KCNB2: variants seen among roughly 807,000 people sequenced by gnomAD.
KCNB2 encodes potassium voltage-gated channel subfamily B member 2.
In KCNB2, 15 loss-of-function variants were observed where a neutral mutation model predicts 61.5. The observed-to-expected ratio is 0.24, with a 90% CI of 0.16 to 0.38. The LOEUF (loss-of-function observed/expected upper bound fraction) is 0.38. Among genes scored for constraint, KCNB2 ranks in the 10% least tolerant of loss-of-function variants. The pLI is 1.00. For missense variants in KCNB2, 828 were observed against 1,125.2 expected (o/e 0.74, Z 3.78); for synonymous variants, 457 against 446.0 (o/e 1.02, Z -0.31).
At chr8:72,724,684 T>C (rs1807603937) in intron 2 of KCNB2, among the ~76,000 whole-genome samples, 1 of 152,158 alleles carries the variant, frequency 6.6e-6, no homozygotes, top group African/African-American at 2.4e-5. Flanking sequence ...ACTAAAAAAT[T>C]ATTAGTTGTA....
intron 2 of KCNB2, among the ~76,000 whole-genome samples, chr8:72,841,161 A>G (rs1248528459): frequency 6.6e-6 from 1 of 152,152 alleles, no homozygotes; most frequent in African/African-American, 2.4e-5. Context: ...TAAATGGGGA[A>G]TCTTTTCCCC....
intron 2 of KCNB2, among the ~76,000 whole-genome samples, chr8:72,653,394 G>T (rs913339979): frequency 6.6e-6 from 1 of 152,036 alleles, no homozygotes; most frequent in Non-Finnish European, 1.5e-5. Flanking sequence ...TTTCCTGAGT[G>T]CCCTAAAATA....
At chr8:72,578,828 C>A (rs997273818) in intron 2 of KCNB2, among the ~76,000 whole-genome samples, 1 of 152,166 alleles carries the variant, frequency 6.6e-6, no homozygotes, top group South Asian at 2.1e-4. Flanking sequence ...TTGGCAAATG[C>A]CAAAGCTTTG....
intron 2 of KCNB2, among the ~76,000 whole-genome samples, chr8:72,616,601 A>C (rs556992229): frequency 6.6e-6 from 1 of 152,106 alleles, no homozygotes; most frequent in Admixed American, 6.5e-5. Context: ...ATTTGGCTTC[A>C]TTTTCAAAGC....
chr8:72,543,370 C>G (rs1396476367), intron 1 of KCNB2, among the ~76,000 whole-genome samples: 1 of 152,094 alleles, frequency 6.6e-6, no homozygotes, highest in Non-Finnish European at 1.5e-5. Flanking sequence ...AAGATAAGTT[C>G]AGATAAGATT....
chr8:72,733,550 A>G (rs1807786202), intron 2 of KCNB2, among the ~76,000 whole-genome samples: 3 of 152,162 alleles, frequency 2.0e-5, no homozygotes, highest in Admixed American at 2.0e-4. Context: ...CTCATCTGTA[A>G]AGCAGGGATT....
At chr8:72,733,628 T>C (rs1807787792) in intron 2 of KCNB2, among the ~76,000 whole-genome samples, 1 of 152,192 alleles carries the variant, frequency 6.6e-6, no homozygotes, top group South Asian at 2.1e-4. Context: ...TTCAGAATGG[T>C]ACCCGGCACC....
chr8:72,650,311 G>A (rs190399624), intron 2 of KCNB2, among the ~76,000 whole-genome samples: 2 of 151,984 alleles, frequency 1.3e-5, no homozygotes, highest in Non-Finnish European at 2.9e-5. Context: ...ACTTTCAGTC[G>A]CCAGATGCCT....
chr8:72,841,636 A>C (rs1380524683), intron 2 of KCNB2, among the ~76,000 whole-genome samples: 3 of 152,118 alleles, frequency 2.0e-5, no homozygotes, highest in Admixed American at 6.5e-5. Flanking sequence ...TTCTCCTTGA[A>C]GAGGTCCTTC....
chr8:72,544,675 A>G (rs1233976298), intron 1 of KCNB2, among the ~76,000 whole-genome samples: 1 of 152,042 alleles, frequency 6.6e-6, no homozygotes, highest in Non-Finnish European at 1.5e-5. Context: ...TTTGCTTTTC[A>G]ATGGTGATTG....
intron 2 of KCNB2, among the ~76,000 whole-genome samples, chr8:72,772,811 A>T (rs1485879839): frequency 6.6e-6 from 1 of 152,208 alleles, no homozygotes; most frequent in African/African-American, 2.4e-5. Context: ...GTTCCAAAGC[A>T]TCAGTGGCAC....
chr8:72,738,378 C>T (rs565378538), intron 2 of KCNB2, among the ~76,000 whole-genome samples: 21 of 152,274 alleles, frequency 1.4e-4, no homozygotes, highest in Middle Eastern at 3.4e-3. Flanking sequence ...GGGAATTGAT[C>T]ACCAAATCAT....
At chr8:72,617,497 T>C (rs1253380156) in intron 2 of KCNB2, among the ~76,000 whole-genome samples, 1 of 151,708 alleles carries the variant, frequency 6.6e-6, no homozygotes, top group Non-Finnish European at 1.5e-5. Flanking sequence ...AGTGGCAGGA[T>C]CAACTTCCAT....
intron 2 of KCNB2, among the ~76,000 whole-genome samples, chr8:72,823,630 T>G (rs974703708): frequency 3.9e-5 from 6 of 152,196 alleles, no homozygotes; most frequent in African/African-American, 1.4e-4. Context: ...ACCTGTAATT[T>G]TTCTACCCAT....
intron 2 of KCNB2, among the ~76,000 whole-genome samples, chr8:72,811,100 T>C (rs1809299568): frequency 6.6e-6 from 1 of 152,088 alleles, no homozygotes. Flanking sequence ...CATAGAATGT[T>C]TCAGTTACCT....
chr8:72,788,504 T>C (rs959614722), intron 2 of KCNB2, among the ~76,000 whole-genome samples: 2 of 152,086 alleles, frequency 1.3e-5, no homozygotes, highest in Non-Finnish European at 2.9e-5. Context: ...ATTTTTCCAG[T>C]ATAGTCACAT....
At chr8:72,810,900 G>A (rs1809296962) in intron 2 of KCNB2, among the ~76,000 whole-genome samples, 1 of 152,176 alleles carries the variant, frequency 6.6e-6, no homozygotes, top group Non-Finnish European at 1.5e-5. Flanking sequence ...CAGAAGGGCA[G>A]GGCATCTGTT....
intron 2 of KCNB2, among the ~76,000 whole-genome samples, chr8:72,670,862 T>TTTTTTAAAG (rs1806552495): frequency 6.6e-6 from 1 of 152,128 alleles, no homozygotes; most frequent in African/African-American, 2.4e-5. Flanking sequence ...GTTCTGCAAG[T>TTTTTTAAAG]TTTTAAATAT....
intron 2 of KCNB2, among the ~76,000 whole-genome samples, chr8:72,678,332 A>G (rs1456178465): frequency 6.6e-6 from 1 of 152,186 alleles, no homozygotes; most frequent in Admixed American, 6.5e-5. Flanking sequence ...TACCACCTGC[A>G]GTGGCTTCCA....
Sources: gnomAD v4.1 joint callset for allele counts (sites outside exome capture counted in the v4.1 genomes callset) on GRCh38, gnomAD v4.1.1 for gene constraint, MANE v1.5 for transcripts, NCBI Gene and HGNC (gene_info 2026-07-23, HGNC 2026-07-21) for gene names.